PDS5A: variants seen among roughly 807,000 people sequenced by gnomAD.
The protein encoded by PDS5A is PDS5 cohesin associated factor A.
In PDS5A, 42 loss-of-function variants were observed where a neutral mutation model predicts 167.1. The ratio of observed to expected loss-of-function variants is 0.25; its 90% CI spans 0.20 to 0.33. PDS5A has a LOEUF of 0.33. Among genes scored for constraint, PDS5A ranks in the 10% least tolerant of loss-of-function variants. The pLI is 1.00. For synonymous variants in PDS5A, 553 were observed against 554.6 expected, an observed-to-expected ratio of 1.00 and a Z score of 0.04; for missense variants, 1,033 against 1,605.9, an observed-to-expected ratio of 0.64 and a Z score of 6.10.
intron 11 of PDS5A, among the ~76,000 whole-genome samples, chr4:39,906,989 A>G (rs1165732225): frequency 6.6e-6 from 1 of 151,596 alleles, no homozygotes; most frequent in Non-Finnish European, 1.5e-5. Context: ...AAATTTCTAG[A>G]GGCTATAACC....
chr4:39,930,247 G>GTTGTTTTT (rs1725915235), intron 2 of PDS5A, among the ~76,000 whole-genome samples: 1 of 61,952 alleles, frequency 1.6e-5, no homozygotes, highest in Non-Finnish European at 3.2e-5. Flanking sequence ...AAAAAAAAAA[G>GTTGTTTTT]TTTTTTTGTT....
chr4:39,862,828 G>C, intron 25 of PDS5A, 41 bp downstream of exon 25: 1 of 1,303,286 alleles, frequency 7.7e-7, no homozygotes, highest in Non-Finnish European at 1.1e-6. Flanking sequence ...TGGATACATT[G>C]ACAAAATATA....
rs1362997193 is a variant in PDS5A at position 39,823,194 on chromosome 4, G to C, written c.*2291C>G. 6.6e-6 allele frequency: 1 copy of C among 152,330 alleles called. No individual in the cohort carries two copies. Among genetic ancestry groups the C allele is most frequent in the Non-Finnish European group, 1.5e-5 (1 of 68,010 alleles). 9.4% of individuals were successfully genotyped at this position (152,330 alleles called of 1,614,324 possible). On this transcript the variant is annotated 3_prime_UTR_variant, in exon 33 of 33. Transcript: ENST00000303538. The stretch of plus-strand genomic sequence containing the variant: ...GAGATGTGAATACCAAATTCCTAAG[G>C]GATTTTAATGTTTTCCTTTGAAAAG...
At chr4:39,870,119 A>C (rs1225161864) in intron 21 of PDS5A, among the ~76,000 whole-genome samples, 1 of 152,022 alleles carries the variant, frequency 6.6e-6, no homozygotes, top group Non-Finnish European at 1.5e-5. Context: ...AAAAACACAA[A>C]AGCAAAACAA....
At chr4:39,863,118 T>TA (rs746334906) in intron 24 of PDS5A, 45 bp from the exon 25 acceptor site, 26 of 1,419,938 alleles carry the variant, frequency 1.8e-5, no homozygotes, top group Middle Eastern at 3.6e-4. Context: ...ATTTATTAAA[T>TA]AAAAAACAGC....
rs1158287221 is a variant in PDS5A at position 39,829,950 on chromosome 4, C to CAAAAAAAAA, written c.4011-4471_4011-4463dup. Among the ~76,000 whole-genome samples, 162 of 67,306 alleles carry CAAAAAAAAA rather than the reference C, an allele frequency of 2.4e-3. 6 individuals are homozygous for CAAAAAAAAA. Among genetic ancestry groups the CAAAAAAAAA allele is most frequent in the African/African-American group, 8.2e-3 (98 of 11,928 alleles). 44.2% of individuals were successfully genotyped at this position (67,306 alleles called of 152,430 possible). ...TGGGCGACAGACTGAGACTCCAACT[C>CAAAAAAAAA]AAAAAAAAAAAAAAAAAAAAAAAAA... On this transcript the variant is annotated intron_variant, in intron 32 of 32. Transcript: ENST00000303538.
intron 17 of PDS5A, among the ~76,000 whole-genome samples, chr4:39,886,153 T>C (rs779998969): frequency 1.3e-5 from 2 of 152,190 alleles, no homozygotes; most frequent in South Asian, 2.1e-4. Flanking sequence ...TGTATCTGGG[T>C]TCTCAATTCT....
At chr4:39,871,561 G>C (rs928636080) in intron 21 of PDS5A, among the ~76,000 whole-genome samples, 1 of 151,810 alleles carries the variant, frequency 6.6e-6, no homozygotes, top group Admixed American at 6.6e-5. Context: ...AAACATGTGA[G>C]AGTTAGGAAC....
chr4:39,914,436 G>A (rs1411830575), intron 8 of PDS5A, among the ~76,000 whole-genome samples: 1 of 151,696 alleles, frequency 6.6e-6, no homozygotes, highest in African/African-American at 2.4e-5. Flanking sequence ...CTGGGATTAT[G>A]GGCATGAACC....
At chr4:39,916,990 G>A in intron 8 of PDS5A, 58 bp downstream of exon 8, 2 of 1,047,864 alleles carry the variant, frequency 1.9e-6, no homozygotes, top group Non-Finnish European at 2.6e-6. Flanking sequence ...ATTTTACATT[G>A]TGCCTGCTCT....
At position 39,823,503 on chromosome 4, in the gene PDS5A, C is replaced by T. The variant is rs189385163; in HGVS notation, c.*1982G>A. On this transcript the variant is annotated 3_prime_UTR_variant, in exon 33 of 33. Transcript: ENST00000303538. ...GCAATTAATCAAAGGGAGGAAGAGA[C>T]AAAGGTCCCTATCAATGCACTTTTT... The T allele has an allele frequency of 1.3e-5, 2 of 152,672 alleles. No individual in the cohort carries two copies. The highest frequency in any genetic ancestry group is 3.9e-4 in the East Asian group (2 of 5,188). The allele number at this position is 152,672 out of a possible 1,614,324, so 9.5% of individuals were successfully genotyped here.
At position 39,836,701 on chromosome 4, in the gene PDS5A, TG is replaced by T. The variant is rs1716440385; in HGVS notation, c.4010+1154del. Among the ~76,000 whole-genome samples the T allele has an allele frequency of 5.3e-5, 8 of 149,986 alleles. No individual in the cohort carries two copies. In the South Asian group the frequency reaches 1.7e-3, roughly 32 times the overall value. ...TTGGTCTCAAACTCCTGACCTCACG[TG>T]ATCTACCCGCCGTGGCCTCCCAAAG... On this transcript the variant is annotated intron_variant, in intron 32 of 32. Transcript: ENST00000303538.
chr4:39,932,445 A>G (rs909335633), intron 2 of PDS5A: 5 of 205,406 alleles, frequency 2.4e-5, no homozygotes, highest in Middle Eastern at 2.7e-3. Context: ...GTAGAGCTTC[A>G]TAAATACACA....
intron 32 of PDS5A, among the ~76,000 whole-genome samples, chr4:39,834,140 G>A (rs943115396): frequency 1.9e-4 from 29 of 149,170 alleles, no homozygotes; most frequent in Middle Eastern, 6.9e-3. Context: ...AGGCAAGACC[G>A]CATCATTGCA....
chr4:39,925,171 C>CA (rs1055953909), intron 5 of PDS5A, among the ~76,000 whole-genome samples: 9 of 151,558 alleles, frequency 5.9e-5, no homozygotes, highest in South Asian at 4.2e-4. Flanking sequence ...AACCCACACA[C>CA]AAAAAAAACC....
rs150136201 is a variant in PDS5A at position 39,829,649 on chromosome 4, CAAAA to C, written c.4011-4165_4011-4162del. Among the ~76,000 whole-genome samples, 7 of 107,906 alleles carry C rather than the reference CAAAA, an allele frequency of 6.5e-5. No homozygotes were observed. In the South Asian group the frequency reaches 8.7e-4, roughly 13 times the overall value. 70.8% of individuals were successfully genotyped at this position (107,906 alleles called of 152,430 possible). ...GTGACAGAGTGAGACTTCATCTCCA[CAAAA>C]AAAAAAAAAAATTTCCGGCCAGGCG... is the stretch of plus-strand genomic sequence containing the variant. On this transcript the variant is annotated intron_variant, in intron 32 of 32. Coordinates refer to ENST00000303538, the MANE Select transcript of PDS5A (RefSeq NM_001100399.2).
chr4:39,912,154 A>G (rs971914998), intron 9 of PDS5A, among the ~76,000 whole-genome samples: 2 of 152,228 alleles, frequency 1.3e-5, no homozygotes, highest in Admixed American at 1.3e-4. Flanking sequence ...ATGATCAAGT[A>G]ATTACAAAGT....
Position 39,890,311 on chromosome 4 carries a change from T to C in PDS5A, c.1824A>G (p.Leu608=), listed in dbSNP as rs1721851280. 2.5e-6 allele frequency: 4 copies of C among 1,585,688 alleles called. No homozygotes were observed. Among genetic ancestry groups the C allele is most frequent in the Non-Finnish European group, 3.4e-6 (4 of 1,164,370 alleles). Residue 608 remains leucine, a synonymous_variant, in exon 17 of 33, where the codon CTA becomes CTG. Coordinates refer to ENST00000303538, the MANE Select transcript of PDS5A (RefSeq NM_001100399.2). ...ANPKQPTNPF[L]EMVKFLLERI... ...TTTCCAACAGAAATTTGACCATCTCTAGAAAAGGATTTGTTGGTTGCTTAG... is the reference window on the plus strand; with the variant it reads ...TTTCCAACAGAAATTTGACCATCTCCAGAAAAGGATTTGTTGGTTGCTTAG...
In PDS5A at chr4:39,823,873, A is replaced by G. The variant is rs1578549298; in HGVS notation, c.*1612T>C. 1 of 152,742 alleles carries G rather than the reference A, an allele frequency of 6.5e-6. No individual in the cohort carries two copies. Among genetic ancestry groups the G allele is most frequent in the South Asian group, 2.1e-4 (1 of 4,830 alleles). The allele number at this position is 152,742 out of a possible 1,614,324, so 9.5% of individuals were successfully genotyped here. The stretch of plus-strand genomic sequence containing the variant: ...ATACACAGCCAACTCTTGATTATCT[A>G]TGAGAAACGTAAGTGACATTTACTC... On this transcript the variant is annotated 3_prime_UTR_variant, in exon 33 of 33. Coordinates refer to ENST00000303538, the MANE Select transcript of PDS5A (RefSeq NM_001100399.2).
Sources: gnomAD v4.1 joint callset for allele counts (sites outside exome capture counted in the v4.1 genomes callset) on GRCh38, gnomAD v4.1.1 for gene constraint, MANE v1.5 for transcripts, NCBI Gene and HGNC (gene_info 2026-07-23, HGNC 2026-07-21) for gene names.